The following SV2C variants were observed in gnomAD, a reference collection of about 807,000 sequenced individuals.
SV2C encodes solute carrier family 22 member B3.
Under a neutral mutation model 79.7 loss-of-function variants are expected in SV2C, and 49 were observed. The ratio of observed to expected loss-of-function variants is 0.61; its 90% CI spans 0.49 to 0.78. SV2C has a LOEUF of 0.78. Ranked by LOEUF, SV2C falls within the 30% of genes least tolerant of loss-of-function variation. The probability of loss-of-function intolerance (pLI) is 0.00; values close to 1 mark genes in which losing one functional copy is unlikely to be tolerated. For missense variants in SV2C, 833 were observed against 912.9 expected (o/e 0.91, Z 1.13); for synonymous variants, 334 against 333.2 (o/e 1.00, Z -0.03).
At chr5:76,164,262 T>G (rs1007329807) in intron 2 of SV2C, among the ~76,000 whole-genome samples, 1 of 152,258 alleles carries the variant, frequency 6.6e-6, no homozygotes, top group Non-Finnish European at 1.5e-5. Flanking sequence ...TTGATACCCC[T>G]GGCTCCTTTG....
the SV2C span, among the ~76,000 whole-genome samples, chr5:75,883,156 AG>A: frequency 1.4e-4 from 19 of 138,966 alleles, no homozygotes; most frequent in Non-Finnish European, 2.7e-4. Context: ...ATCTCACACC[AG>A]TTAGAATGGC....
rs537843757 is a variant in SV2C, at chr5:76,125,106, A to G, written c.-101-6544A>G. On this transcript the variant is annotated intron_variant, in intron 1 of 12. Coordinates refer to ENST00000502798, the MANE Select transcript of SV2C (RefSeq NM_014979.4). ...AGATCTATTCTTCATAGAGCAAATTAACTGTGTCAAAATTGCATAAAAATG... is the reference window on the plus strand; with the variant it reads ...AGATCTATTCTTCATAGAGCAAATTGACTGTGTCAAAATTGCATAAAAATG... Among the ~76,000 whole-genome samples, 5 of 152,334 alleles carry G rather than the reference A, an allele frequency of 3.3e-5. No individual in the cohort carries two copies. The East Asian group carries it at 7.7e-4, about 23-fold the overall frequency.
At chr5:76,306,035 G>A (rs1748182582) in intron 12 of SV2C, among the ~76,000 whole-genome samples, 1 of 152,060 alleles carries the variant, frequency 6.6e-6, no homozygotes, top group Non-Finnish European at 1.5e-5. Flanking sequence ...TCTTTTGGTG[G>A]AGCAGGGGGA....
intron 4 of SV2C, among the ~76,000 whole-genome samples, chr5:76,259,654 T>A (rs1359673485): frequency 1.3e-5 from 2 of 151,900 alleles, no homozygotes; most frequent in African/African-American, 4.8e-5. Flanking sequence ...TATGTTCATG[T>A]GTTCTCATTG....
chr5:76,255,405 A>G (rs893815827), intron 4 of SV2C, among the ~76,000 whole-genome samples: 5 of 152,258 alleles, frequency 3.3e-5, no homozygotes, highest in Non-Finnish European at 5.9e-5. Context: ...CAAGCCTCCC[A>G]TGCAGGGACC....
In SV2C at chr5:76,172,311, G is replaced by A. The variant is rs1405234863; in HGVS notation, c.581-22608G>A. Among the ~76,000 whole-genome samples, 11 of 84,352 alleles carry A rather than the reference G, an allele frequency of 1.3e-4. No individual in the cohort carries two copies. In the East Asian group the frequency reaches 2.1e-3, roughly 16 times the overall value. The allele number at this position is 84,352 out of a possible 152,430, so 55.3% of individuals were successfully genotyped here. A position where few individuals can be genotyped will look rare whatever the true frequency, so the allele number is the denominator to read the frequency against. On this transcript the variant is annotated intron_variant, in intron 2 of 12. Transcript: ENST00000502798. ...GGTGGGGGGGGGGGTCAGCCCCCCC[G>A]CCCAGCCAGCCGCCCTGTCCGGGAG... is the stretch of plus-strand genomic sequence containing the variant.
At chr5:75,915,922 A>G in the SV2C span, among the ~76,000 whole-genome samples, 142 of 152,288 alleles carry the variant, frequency 9.3e-4, no homozygotes, top group Non-Finnish European at 1.7e-3. Context: ...GGGTAGGAAT[A>G]TGCATCTGGG....
At chr5:76,302,883 G>A (rs2112528519) in intron 12 of SV2C, among the ~76,000 whole-genome samples, 1 of 152,250 alleles carries the variant, frequency 6.6e-6, no homozygotes, top group South Asian at 2.1e-4. Flanking sequence ...ACTTTGAAAT[G>A]TAGGAGAGTT....
intron 12 of SV2C, among the ~76,000 whole-genome samples, chr5:76,341,323 A>G (rs1372502287): frequency 1.3e-5 from 2 of 152,162 alleles, no homozygotes; most frequent in Non-Finnish European, 2.9e-5. Context: ...GGATTGCTTG[A>G]GCCCAGGAGT....
chr5:75,922,149 A>G, the SV2C span, among the ~76,000 whole-genome samples: 2 of 152,162 alleles, frequency 1.3e-5, no homozygotes, highest in African/African-American at 2.4e-5. Flanking sequence ...TGTGAAATAT[A>G]TATTATTTTC....
intron 2 of SV2C, among the ~76,000 whole-genome samples, chr5:76,182,529 CT>C (rs1245309755): frequency 1.3e-5 from 2 of 152,132 alleles, no homozygotes; most frequent in Non-Finnish European, 2.9e-5. Flanking sequence ...TTCAGCTGGT[CT>C]TTTTTCCAGG....
chr5:76,287,002 A>C (rs546768937), intron 6 of SV2C, among the ~76,000 whole-genome samples: 4 of 152,304 alleles, frequency 2.6e-5, no homozygotes, highest in African/African-American at 9.6e-5. Context: ...AAACCATATC[A>C]CCTGACAACC....
At chr5:76,118,456 C>A (rs532640343) in intron 1 of SV2C, among the ~76,000 whole-genome samples, 1 of 152,290 alleles carries the variant, frequency 6.6e-6, no homozygotes, top group East Asian at 1.9e-4. Context: ...CTACTACAAA[C>A]CTCAATACAA....
the SV2C span, among the ~76,000 whole-genome samples, chr5:76,035,227 T>C: frequency 7.0e-6 from 1 of 141,980 alleles, no homozygotes; most frequent in African/African-American, 2.7e-5. Context: ...TTTTGAAGGG[T>C]TTTTTTTTTT....
the SV2C span, among the ~76,000 whole-genome samples, chr5:75,875,970 G>A: frequency 6.6e-6 from 1 of 152,130 alleles, no homozygotes; most frequent in East Asian, 1.9e-4. Context: ...CTTACACACT[G>A]TTGGTGGGAG....
At chr5:76,351,827 G>T (rs901737277) in intron 12 of SV2C, among the ~76,000 whole-genome samples, 1 of 152,068 alleles carries the variant, frequency 6.6e-6, no homozygotes, top group South Asian at 2.1e-4. Flanking sequence ...TCTCACCCTC[G>T]CATGGCAAGC....
chr5:76,353,076 G>T, intron 12 of SV2C: 1 of 452,444 alleles, frequency 2.2e-6, no homozygotes, highest in Non-Finnish European at 4.4e-6. Flanking sequence ...CAGAAGCTAG[G>T]ACTACAGGTG....
intron 12 of SV2C, among the ~76,000 whole-genome samples, chr5:76,303,261 T>A (rs1473707569): frequency 6.6e-6 from 1 of 152,242 alleles, no homozygotes; most frequent in Non-Finnish European, 1.5e-5. Context: ...TCTGTCTTTG[T>A]GAACGAGGTC....
At chr5:75,988,891 A>G in the SV2C span, among the ~76,000 whole-genome samples, 1 of 151,948 alleles carries the variant, frequency 6.6e-6, no homozygotes, top group Non-Finnish European at 1.5e-5. Context: ...CCCAGAGACC[A>G]GACGGTACCA....
Sources: allele counts gnomAD v4.1 joint callset (sites outside exome capture counted in the v4.1 genomes callset), GRCh38; gene constraint gnomAD v4.1.1; transcripts MANE v1.5; gene names NCBI Gene and HGNC (gene_info 2026-07-23, HGNC 2026-07-21).